The following KLF8 variants were observed in gnomAD, a reference collection of about 807,000 sequenced individuals.
KLF8 encodes the protein Krueppel-like factor 8.
Under a neutral mutation model 18.2 loss-of-function variants are expected in KLF8, and 10 were observed. The ratio of observed to expected loss-of-function variants is 0.55; its 90% CI spans 0.34 to 0.93. The LOEUF (loss-of-function observed/expected upper bound fraction) is 0.93, where lower values mean the gene tolerates loss of function less well. Ranked by LOEUF, KLF8 falls within the 40% of genes least tolerant of loss-of-function variation. The pLI is 0.02. For synonymous variants in KLF8, 109 were observed against 97.3 expected, an observed-to-expected ratio of 1.12 and a Z score of -0.71; for missense variants, 264 against 277.9, an observed-to-expected ratio of 0.95 and a Z score of 0.36.
At chrX:56,015,942 G>A in the KLF8 span, among the ~76,000 whole-genome samples, 10,000 of 111,793 alleles carry the variant, frequency 0.089, 1,094 homozygotes, top group African/African-American at 0.31. Context: ...CTCTTAAATA[G>A]CATTTTCTTT....
the KLF8 span, among the ~76,000 whole-genome samples, chrX:56,023,451 G>T: frequency 2.7e-5 from 3 of 111,813 alleles, no homozygotes; most frequent in African/African-American, 9.7e-5. Flanking sequence ...TGAAAAAGCT[G>T]TATTTTGAAT....
At chrX:55,944,890 T>C in the KLF8 span, among the ~76,000 whole-genome samples, 1 of 111,276 alleles carries the variant, frequency 9.0e-6, no homozygotes, top group Non-Finnish European at 1.9e-5. Flanking sequence ...ATGTGTTTGC[T>C]CTTGCTTTTC....
chrX:56,077,644 T>C, the KLF8 span, among the ~76,000 whole-genome samples: 4 of 111,860 alleles, frequency 3.6e-5, no homozygotes, highest in African/African-American at 1.3e-4. Flanking sequence ...TGGTTCCATA[T>C]GAACGTTAAA....
chrX:56,177,903 G>C, the KLF8 span, among the ~76,000 whole-genome samples: 4 of 112,052 alleles, frequency 3.6e-5, no homozygotes, highest in African/African-American at 6.5e-5. Flanking sequence ...TCCAAGCCAG[G>C]TGCCAGATAT....
the KLF8 span, among the ~76,000 whole-genome samples, chrX:56,139,436 G>A: frequency 1.8e-5 from 2 of 111,562 alleles, no homozygotes; most frequent in Non-Finnish European, 3.8e-5. Flanking sequence ...ATAGCATGGT[G>A]CTGGTGCAAA....
At chrX:56,272,566 C>T (rs1260012695) in intron 5 of KLF8, among the ~76,000 whole-genome samples, 1 of 111,035 alleles carries the variant, frequency 9.0e-6, no homozygotes, top group Non-Finnish European at 1.9e-5. Context: ...AGGATTGACC[C>T]ATACCTTTGC....
At chrX:55,962,236 C>T in the KLF8 span, 1 of 181,410 alleles carries the variant, frequency 5.5e-6, no homozygotes, top group South Asian at 1.1e-4. Flanking sequence ...GCATGGCCAA[C>T]CACATCATTA....
At chrX:56,122,265 GA>G in the KLF8 span, among the ~76,000 whole-genome samples, 1 of 111,622 alleles carries the variant, frequency 9.0e-6, no homozygotes, top group Non-Finnish European at 1.9e-5. Context: ...ATGCCAAAGT[GA>G]AAAAGTTTGG....
At chrX:56,058,304 A>ACATATATATATATATATG in the KLF8 span, among the ~76,000 whole-genome samples, 3 of 77,252 alleles carry the variant, frequency 3.9e-5, no homozygotes, top group African/African-American at 1.4e-4. Context: ...ATATATATAT[A>ACATATATATATATATATG]TATATATATA....
At chrX:56,129,237 C>T in the KLF8 span, among the ~76,000 whole-genome samples, 41 of 112,359 alleles carry the variant, frequency 3.6e-4, no homozygotes, top group African/African-American at 1.1e-3. Flanking sequence ...TGAACTTTCA[C>T]TCAAAGAACT....
chrX:56,172,056 A>G, the KLF8 span, among the ~76,000 whole-genome samples: 1 of 109,764 alleles, frequency 9.1e-6, no homozygotes, highest in African/African-American at 3.3e-5. Flanking sequence ...CTTTTTAATG[A>G]TTGCCATTCT....
chrX:56,076,487 T>A, the KLF8 span, among the ~76,000 whole-genome samples: 1 of 111,365 alleles, frequency 9.0e-6, no homozygotes, highest in South Asian at 3.8e-4. Context: ...TTTTTATGAC[T>A]GCATAGTATT....
At chrX:56,227,940 A>G (rs2066380288), upstream of KLF8, among the ~76,000 whole-genome samples, 1 of 109,330 alleles carries the variant, frequency 9.1e-6, no homozygotes, top group African/African-American at 3.4e-5. Flanking sequence ...CCTTGCTCAT[A>G]AAGATAGCAG....
the KLF8 span, among the ~76,000 whole-genome samples, chrX:56,179,429 A>G: frequency 5.3e-5 from 6 of 112,353 alleles, no homozygotes; most frequent in Admixed American, 5.7e-4. Context: ...CAATCATGTC[A>G]TCTGCAAACA....
chrX:55,979,876 G>T, the KLF8 span, among the ~76,000 whole-genome samples: 1 of 111,892 alleles, frequency 8.9e-6, no homozygotes, highest in Non-Finnish European at 1.9e-5. Flanking sequence ...ACTATGTGTA[G>T]GTCTGCCATT....
the KLF8 span, among the ~76,000 whole-genome samples, chrX:56,116,960 TC>T: frequency 9.0e-6 from 1 of 110,499 alleles, no homozygotes; most frequent in Non-Finnish European, 1.9e-5. Flanking sequence ...TAACATGAGT[TC>T]TTGAGTGAAC....
At chrX:56,194,391 C>G in the KLF8 span, among the ~76,000 whole-genome samples, 1 of 112,219 alleles carries the variant, frequency 8.9e-6, no homozygotes, top group African/African-American at 3.2e-5. Flanking sequence ...GTCTTAGCAA[C>G]CAGCAGACAA....
the KLF8 span, among the ~76,000 whole-genome samples, chrX:56,195,573 G>T: frequency 2.7e-5 from 3 of 112,234 alleles, no homozygotes; most frequent in South Asian, 1.1e-3. Flanking sequence ...CAAGAAATGT[G>T]GGACTATGTA....
chrX:56,201,739 T>C, the KLF8 span, among the ~76,000 whole-genome samples: 8,650 of 111,103 alleles, frequency 0.078, 826 homozygotes, highest in African/African-American at 0.27. Context: ...ACATTAAATA[T>C]GTACAGTTTT....
Sources: gnomAD v4.1 joint callset for allele counts (sites outside exome capture counted in the v4.1 genomes callset) on GRCh38, gnomAD v4.1.1 for gene constraint, MANE v1.5 for transcripts, NCBI Gene and HGNC (gene_info 2026-07-23, HGNC 2026-07-21) for gene names.